The following HMCN1 variants were observed in gnomAD, a reference collection of about 807,000 sequenced individuals.
HMCN1 encodes the protein hemicentin 1.
A neutral mutation model predicts 625.9 loss-of-function variants in HMCN1; 321 were observed. The observed-to-expected ratio is 0.51, with a 90% CI of 0.47 to 0.56. HMCN1 has a LOEUF of 0.56. Among genes scored for constraint, HMCN1 ranks in the 20% least tolerant of loss-of-function variants. The pLI, the probability that HMCN1 is intolerant of heterozygous loss-of-function variation, is 0.00. For synonymous variants in HMCN1, 2,425 were observed against 2,417.6 expected, an observed-to-expected ratio of 1.00 and a Z score of -0.09; for missense variants, 6,588 against 6,887.3, an observed-to-expected ratio of 0.96 and a Z score of 1.54.
At position 186,094,473 on chromosome 1, in the gene HMCN1, C is replaced by T. The variant is rs141913236; in HGVS notation, c.10294+100C>T. On this transcript the variant is annotated intron_variant, in intron 67 of 106. Coordinates refer to ENST00000271588, the MANE Select transcript of HMCN1 (RefSeq NM_031935.3). ...CTTCCTCAGAGATTTAGAAATCTGA[C>T]TTTATCAAAAAGGATTAGTGAAATA... 786 of 862,270 alleles carry T rather than the reference C, an allele frequency of 9.1e-4. 7 individuals carry two copies. The African/African-American group carries it at 0.012, about 13-fold the overall frequency. The allele number at this position is 862,270 out of a possible 1,614,324, so 53.4% of individuals were successfully genotyped here.
chr1:185,880,385 G>C (rs1005559375), intron 4 of HMCN1, among the ~76,000 whole-genome samples: 3 of 152,146 alleles, frequency 2.0e-5, no homozygotes, highest in African/African-American at 7.2e-5. Flanking sequence ...AATCATGGTA[G>C]GTCCAGTTAT....
chr1:186,051,214 T>C (rs569132150), intron 42 of HMCN1, among the ~76,000 whole-genome samples: 84 of 152,084 alleles, frequency 5.5e-4, no homozygotes, highest in African/African-American at 2.0e-3. Flanking sequence ...ACTAAAGGGA[T>C]TTAAAGAAGG....
At chr1:185,913,009 CCAGT>C (rs954791652) in intron 6 of HMCN1, among the ~76,000 whole-genome samples, 4 of 151,934 alleles carry the variant, frequency 2.6e-5, no homozygotes, top group African/African-American at 4.8e-5. Context: ...ATTTTTCATG[CCAGT>C]CAGTTTTTTT....
chr1:186,091,228 G>A (rs900106780), intron 64 of HMCN1, among the ~76,000 whole-genome samples: 1 of 151,930 alleles, frequency 6.6e-6, no homozygotes, highest in Non-Finnish European at 1.5e-5. Flanking sequence ...ATTTCAGAAT[G>A]ATTATGCTAA....
At chr1:186,175,220 C>A (rs1652486015) in intron 103 of HMCN1, among the ~76,000 whole-genome samples, 1 of 152,154 alleles carries the variant, frequency 6.6e-6, no homozygotes, top group African/African-American at 2.4e-5. Flanking sequence ...TGTAAGATAA[C>A]CACATACTTT....
chr1:185,767,011 T>TA (rs5779259), intron 1 of HMCN1, among the ~76,000 whole-genome samples: 400 of 145,300 alleles, frequency 2.8e-3, no homozygotes, highest in South Asian at 4.6e-3. Flanking sequence ...GAGAAATCAT[T>TA]AAAAAAAAAA....
Position 186,175,824 on chromosome 1 carries a change from C to T in HMCN1, c.15943+1182C>T, listed in dbSNP as rs145368124. Among the ~76,000 whole-genome samples the T allele has an allele frequency of 2.1e-3, 286 of 137,792 alleles. 4 individuals are homozygous for T. The highest frequency in any genetic ancestry group is 7.1e-3 in the African/African-American group (257 of 36,180). The allele number at this position is 137,792 out of a possible 152,430, so 90.4% of individuals were successfully genotyped here. A position where few individuals can be genotyped will look rare whatever the true frequency, so the allele number is the denominator to read the frequency against. On this transcript the variant is annotated intron_variant, in intron 103 of 106. Coordinates refer to ENST00000271588, the MANE Select transcript of HMCN1 (RefSeq NM_031935.3). ...TCTTGATGTGGAGGTTGCAGTGAGCCGAGATTGCATCACTGCACTCCAGCC... is the reference window on the plus strand; with the variant it reads ...TCTTGATGTGGAGGTTGCAGTGAGCTGAGATTGCATCACTGCACTCCAGCC...
rs773970080 is a variant in HMCN1, at chr1:185,909,435, T to G, written c.720T>G (p.Phe240Leu). The G allele has an allele frequency of 1.9e-6, 3 of 1,613,738 alleles. No homozygotes were observed. The highest frequency in any genetic ancestry group is 2.5e-6 in the Non-Finnish European group (3 of 1,179,728). ...CTGTAAATACTTGGAGAATTCCTTT[T>G]GATCCCAGCCTGAAAGAGGTCACTG... ...EQAVNTWRIP[F>L]DPSLKEVTVS... is the part of the protein sequence containing the mutation. Residue 240 changes from phenylalanine to leucine, a missense_variant, in exon 5 of 107, where the codon TTT becomes TTG. Physicochemically the swap from Phe to Leu is conservative, Grantham distance 22 (BLOSUM62 0). Coordinates refer to ENST00000271588, the MANE Select transcript of HMCN1 (RefSeq NM_031935.3).
intron 40 of HMCN1, among the ~76,000 whole-genome samples, chr1:186,045,181 C>T (rs1656480819): frequency 1.3e-5 from 2 of 152,134 alleles, no homozygotes; most frequent in African/African-American, 2.4e-5. Context: ...TTATTTTGCA[C>T]AAGGTATTAT....
At chr1:186,044,000 G>A (rs1348103779) in intron 40 of HMCN1, among the ~76,000 whole-genome samples, 2 of 152,108 alleles carry the variant, frequency 1.3e-5, no homozygotes, top group East Asian at 1.9e-4. Context: ...AGAATTGCTT[G>A]AACCTGGGAG....
chr1:185,793,174 T>A (rs1658118716), intron 1 of HMCN1, among the ~76,000 whole-genome samples: 1 of 152,214 alleles, frequency 6.6e-6, no homozygotes, highest in East Asian at 1.9e-4. Context: ...CTGTAATAAA[T>A]TACCATGAAT....
At chr1:186,048,914 T>G in intron 42 of HMCN1, 75 bp downstream of exon 42, 2 of 879,056 alleles carry the variant, frequency 2.3e-6, no homozygotes, top group Non-Finnish European at 3.8e-6. Context: ...CATTCATCCA[T>G]GTAACTAAAA....
At chr1:186,024,656 C>T (rs764159847) in intron 36 of HMCN1, among the ~76,000 whole-genome samples, 23 of 152,092 alleles carry the variant, frequency 1.5e-4, no homozygotes, top group Non-Finnish European at 3.4e-4. Context: ...ATCTGACTTC[C>T]ATAGTGATTT....
intron 97 of HMCN1, among the ~76,000 whole-genome samples, chr1:186,162,392 A>G (rs943561963): frequency 9.2e-5 from 14 of 151,968 alleles, no homozygotes; most frequent in Non-Finnish European, 1.3e-4. Context: ...TAGTTTGATC[A>G]TCTGAAGCCT....
intron 18 of HMCN1, 107 bp from the exon 19 acceptor site, chr1:185,984,062 A>G (rs1651841368): frequency 5.0e-6 from 4 of 792,142 alleles, no homozygotes; most frequent in Non-Finnish European, 8.3e-6. Context: ...TATTTTGTTT[A>G]TAGACTTTTA....
intron 2 of HMCN1, among the ~76,000 whole-genome samples, chr1:185,850,006 G>T (rs1395620726): frequency 2.0e-5 from 3 of 152,028 alleles, no homozygotes; most frequent in African/African-American, 7.2e-5. Flanking sequence ...TATATTCATG[G>T]ATCTTGGAAA....
chr1:186,178,655 T>C lies in HMCN1; in HGVS notation c.16183T>C (p.Tyr5395His). ...QQHYRQYSHL[Y>H]SSYSEYRNSR... is the part of the protein sequence containing the mutation. ...GCATTACAGACAGTACTCACATCTC[T>C]ACAGCTCCTACTCAGAGTATAGAAA... The change falls in exon 104 of 107, where the codon TAC becomes CAC. Residue 5395 changes from tyrosine (Y) to histidine (H), a missense_variant. Transcript: ENST00000271588. The C allele has an allele frequency of 6.2e-7, 1 of 1,613,492 alleles. No homozygotes were observed. Among genetic ancestry groups the C allele is most frequent in the South Asian group, 1.1e-5 (1 of 91,074 alleles).
rs184008407 is a variant in HMCN1, at chr1:186,004,510, T to C, written c.4475+666T>C. ...CAAAATAGAAAATATATGGAGGATA[T>C]GAACAGGCAGTTAAAATATACTAAG... On this transcript the variant is annotated intron_variant, in intron 29 of 106. Coordinates refer to ENST00000271588, the MANE Select transcript of HMCN1 (RefSeq NM_031935.3). Among the ~76,000 whole-genome samples the C allele has an allele frequency of 5.3e-5, 8 of 152,268 alleles. No homozygotes were observed. The East Asian group carries it at 1.5e-3, about 29-fold the overall frequency.
chr1:185,736,021 A>G (rs568533401), intron 1 of HMCN1, among the ~76,000 whole-genome samples: 2 of 152,338 alleles, frequency 1.3e-5, no homozygotes, highest in South Asian at 4.1e-4. Context: ...CACTAGAAGA[A>G]CTTGACACAA....
Sources: gnomAD v4.1 joint callset for allele counts (sites outside exome capture counted in the v4.1 genomes callset) on GRCh38, gnomAD v4.1.1 for gene constraint, MANE v1.5 for transcripts, NCBI Gene and HGNC (gene_info 2026-07-23, HGNC 2026-07-21) for gene names.